Variants in RPS6KC1 observed in about 807,000 individuals in gnomAD.
RPS6KC1 encodes inactive ribosomal protein S6 kinase delta-1.
Under a neutral mutation model 103.8 loss-of-function variants are expected in RPS6KC1, and 54 were observed. That is an observed-to-expected ratio of 0.52 (90% CI 0.42 to 0.65). The LOEUF is 0.65. Among genes scored for constraint, RPS6KC1 ranks in the 30% least tolerant of loss-of-function variants. The probability of loss-of-function intolerance (pLI) is 0.00; values close to 1 mark genes in which losing one functional copy is unlikely to be tolerated. For synonymous variants in RPS6KC1, 439 were observed against 438.7 expected, an observed-to-expected ratio of 1.00 and a Z score of -0.01; for missense variants, 1,151 against 1,253.8, an observed-to-expected ratio of 0.92 and a Z score of 1.24.
chr1:213,327,466 T>C, the RPS6KC1 span, among the ~76,000 whole-genome samples: 4 of 152,352 alleles, frequency 2.6e-5, no homozygotes, highest in Non-Finnish European at 4.4e-5. Flanking sequence ...GGCCTCTGAC[T>C]CACACATTCC....
chr1:213,833,756 T>G, the RPS6KC1 span, among the ~76,000 whole-genome samples: 1 of 152,312 alleles, frequency 6.6e-6, no homozygotes, highest in East Asian at 1.9e-4. Flanking sequence ...AGAGACAGCA[T>G]GCATGTAGCG....
At chr1:213,472,781 G>A in the RPS6KC1 span, among the ~76,000 whole-genome samples, 7 of 152,168 alleles carry the variant, frequency 4.6e-5, no homozygotes, top group Non-Finnish European at 8.8e-5. Flanking sequence ...ATCTAATAGA[G>A]AAAACAGAAG....
chr1:213,680,381 C>T, the RPS6KC1 span, among the ~76,000 whole-genome samples: 3 of 152,134 alleles, frequency 2.0e-5, no homozygotes, highest in East Asian at 5.8e-4. Context: ...TCTCCTGGTC[C>T]AGAGATCTGT....
chr1:213,122,519 T>C (rs1339482297), intron 5 of RPS6KC1, among the ~76,000 whole-genome samples: 1 of 152,220 alleles, frequency 6.6e-6, no homozygotes, highest in African/African-American at 2.4e-5. Flanking sequence ...AAATCTATTT[T>C]CAAGACAAAC....
chr1:213,194,680 G>A (rs950013856), intron 8 of RPS6KC1, among the ~76,000 whole-genome samples: 1 of 152,158 alleles, frequency 6.6e-6, no homozygotes, highest in Non-Finnish European at 1.5e-5. Context: ...TCATAGGAGC[G>A]CAAACCCTAT....
chr1:213,058,244 G>A (rs1470708909), intron 1 of RPS6KC1, among the ~76,000 whole-genome samples: 2 of 151,574 alleles, frequency 1.3e-5, no homozygotes, highest in Non-Finnish European at 2.9e-5. Flanking sequence ...CCCAGACAGT[G>A]TTTTTGCAAA....
chr1:213,722,911 GC>G, the RPS6KC1 span, among the ~76,000 whole-genome samples: 1 of 152,204 alleles, frequency 6.6e-6, no homozygotes, highest in Non-Finnish European at 1.5e-5. Flanking sequence ...GGGCAAGGTG[GC>G]TCATGCCAGT....
At chr1:213,657,644 G>A in the RPS6KC1 span, among the ~76,000 whole-genome samples, 4 of 152,046 alleles carry the variant, frequency 2.6e-5, no homozygotes, top group African/African-American at 9.7e-5. Flanking sequence ...CAGGCAGAAC[G>A]TATACAAACA....
intron 6 of RPS6KC1, among the ~76,000 whole-genome samples, chr1:213,166,696 G>A (rs1297697497): frequency 1.3e-5 from 2 of 152,160 alleles, no homozygotes; most frequent in South Asian, 2.1e-4. Flanking sequence ...TAAAAGGTGT[G>A]AAATGAAAGT....
At chr1:213,672,802 G>T in the RPS6KC1 span, among the ~76,000 whole-genome samples, 1 of 152,108 alleles carries the variant, frequency 6.6e-6, no homozygotes, top group Non-Finnish European at 1.5e-5. Context: ...GGACCATTCA[G>T]CATATCCAAT....
At chr1:213,363,703 C>CTTCTTTCTTTCT in the RPS6KC1 span, among the ~76,000 whole-genome samples, 3 of 17,400 alleles carry the variant, frequency 1.7e-4, no homozygotes, top group South Asian at 2.9e-3. Flanking sequence ...TCTTTCTTTC[C>CTTCTTTCTTTCT]TTCTTTCTTT....
Position 213,139,329 on chromosome 1 carries a change from A to G in RPS6KC1, c.835+9440A>G, listed in dbSNP as rs1258343184. On this transcript the variant is annotated intron_variant, in intron 6 of 14. Coordinates refer to ENST00000366960, the MANE Select transcript of RPS6KC1 (RefSeq NM_012424.6). ...TATTCTGTTGATAGTTTGTTTTGCT[A>G]TGCAGAAACTCTTTAGTTTAATTAG... Among the ~76,000 whole-genome samples, 5 of 152,016 alleles carry G rather than the reference A, an allele frequency of 3.3e-5. 1 individual carries two copies. Among genetic ancestry groups the G allele is most frequent in the Admixed American group, 1.3e-4 (2 of 15,210 alleles).
At chr1:213,465,727 C>A in the RPS6KC1 span, among the ~76,000 whole-genome samples, 3 of 152,124 alleles carry the variant, frequency 2.0e-5, no homozygotes, top group Non-Finnish European at 4.4e-5. Context: ...GGACTCTAAT[C>A]GGTATTTTTG....
chr1:213,832,765 T>C, the RPS6KC1 span: 1 of 152,294 alleles, frequency 6.6e-6, no homozygotes, highest in South Asian at 2.1e-4. Context: ...CATGATTGCA[T>C]TAGAGTGATT....
chr1:213,463,658 T>C, the RPS6KC1 span, among the ~76,000 whole-genome samples: 3 of 152,190 alleles, frequency 2.0e-5, no homozygotes, highest in African/African-American at 4.8e-5. Flanking sequence ...GCTAGGTTTT[T>C]TGAGGTCTTG....
At chr1:213,806,352 A>T in the RPS6KC1 span, among the ~76,000 whole-genome samples, 5 of 152,278 alleles carry the variant, frequency 3.3e-5, no homozygotes, top group Admixed American at 2.6e-4. Flanking sequence ...AATAAATAAA[A>T]TAAAAAGAAA....
chr1:213,819,179 C>A, the RPS6KC1 span: 1 of 152,174 alleles, frequency 6.6e-6, no homozygotes, highest in Non-Finnish European at 1.5e-5. Context: ...CACAAAGGCT[C>A]AATCAAGGAA....
At chr1:213,483,652 A>G in the RPS6KC1 span, among the ~76,000 whole-genome samples, 1 of 152,212 alleles carries the variant, frequency 6.6e-6, no homozygotes, top group Admixed American at 6.5e-5. Context: ...GTGTCTTTCA[A>G]GAGATTTCAT....
intron 6 of RPS6KC1, among the ~76,000 whole-genome samples, chr1:213,156,364 T>C (rs2089887615): frequency 6.6e-6 from 1 of 152,192 alleles, no homozygotes; most frequent in Non-Finnish European, 1.5e-5. Flanking sequence ...CACTGAACTA[T>C]AGAACTATTT....
Sources: allele counts gnomAD v4.1 joint callset (sites outside exome capture counted in the v4.1 genomes callset), GRCh38; gene constraint gnomAD v4.1.1; transcripts MANE v1.5; gene names NCBI Gene and HGNC (gene_info 2026-07-23, HGNC 2026-07-21).